LLGL1: variants seen among roughly 807,000 people sequenced by gnomAD.
LLGL1 encodes LLGL scribble cell polarity complex component 1, also known as lethal(2) giant larvae protein homolog 1.
In LLGL1, 58 loss-of-function variants were observed where a neutral mutation model predicts 110.6. The ratio of observed to expected loss-of-function variants is 0.52; its 90% CI spans 0.42 to 0.65. LLGL1 has a LOEUF of 0.65. Among genes scored for constraint, LLGL1 ranks in the 30% least tolerant of loss-of-function variants. LLGL1 has a pLI of 0.00. For synonymous variants in LLGL1, 674 were observed against 607.2 expected (o/e 1.11, Z -1.62); for missense variants, 1,229 against 1,462.1 (o/e 0.84, Z 2.60).
At position 18,229,942 on chromosome 17, in the gene LLGL1, C is replaced by T. The variant is rs1335087294; in HGVS notation, c.83C>T (p.Thr28Ile). Reference protein sequence around the residue: ...LKQELFAFNKTVEHGFPNQPS... With the variant: ...LKQELFAFNKIVEHGFPNQPS... ...CCAGCAGCCCTCCCCTCCTTGCAGA[C>T]TGTGGAGCATGGCTTCCCCAATCAG... The change falls in exon 2 of 23, where the codon ACT (threonine) becomes ATT (isoleucine). Residue 28 changes from threonine (T) to isoleucine (I), a missense_variant and splice_region_variant. Transcript: ENST00000316843. The T allele has an allele frequency of 6.2e-7, 1 of 1,606,962 alleles. No homozygotes were observed. Among genetic ancestry groups the T allele is most frequent in the African/African-American group, 1.3e-5 (1 of 74,922 alleles).
In LLGL1 at chr17:18,240,963, C is replaced by T; in HGVS notation, c.2502+90C>T. ...CCATTGGACCCTCAAGAAACCCTTC[C>T]TGCCTGTATCCCCCACTGTTGGGAC... On this transcript the variant is annotated intron_variant, in intron 17 of 22. Coordinates refer to ENST00000316843, the MANE Select transcript of LLGL1 (RefSeq NM_004140.4). This position sits in a 1 kb window ranked among gnomAD's most constrained non-coding sequence, Gnocchi z 5.3. The T allele has an allele frequency of 7.7e-7, 1 of 1,305,410 alleles. No homozygotes were observed. The highest frequency in any genetic ancestry group is 1.0e-6 in the Non-Finnish European group (1 of 969,878). The allele number at this position is 1,305,410 out of a possible 1,614,324, so 80.9% of individuals were successfully genotyped here. A position where few individuals can be genotyped will look rare whatever the true frequency, so the allele number is the denominator to read the frequency against.
Position 18,240,434 on chromosome 17 carries a change from G to C in LLGL1, c.2207-144G>C, listed in dbSNP as rs1207245744. On this transcript the variant is annotated intron_variant, in intron 16 of 22. Coordinates refer to ENST00000316843, the MANE Select transcript of LLGL1 (RefSeq NM_004140.4). This position sits in a 1 kb window ranked among gnomAD's most constrained non-coding sequence, Gnocchi z 5.3. Reference sequence around the variant, plus strand: ...GTCACCAGGGAGGCATGGGGCAGGAGGGAATCAGCCCTGAGTCCCAGGGTG... The same window carrying C: ...GTCACCAGGGAGGCATGGGGCAGGACGGAATCAGCCCTGAGTCCCAGGGTG... 4 of 1,001,810 alleles carry C rather than the reference G, an allele frequency of 4.0e-6. No individual in the cohort carries two copies. The highest frequency in any genetic ancestry group is 5.8e-6 in the Non-Finnish European group (4 of 688,598). 62.1% of individuals were successfully genotyped at this position (1,001,810 alleles called of 1,614,324 possible). A position where few individuals can be genotyped will look rare whatever the true frequency, so the allele number is the denominator to read the frequency against.
chr17:18,242,286 G>A lies in LLGL1; in HGVS notation c.2995+8G>A. 6.2e-7 allele frequency: 1 copy of A among 1,608,098 alleles called. No individual in the cohort carries two copies. The highest frequency in any genetic ancestry group is 8.5e-7 in the Non-Finnish European group (1 of 1,174,798). ...CCCACAGCATGGGACCTGGTGAGGG[G>A]GGCATGAAAGGGGTCCAGACCCTGG... On this transcript the variant is annotated splice_region_variant and intron_variant, in intron 20 of 22. Transcript: ENST00000316843.
At chr17:18,239,453 C>T (rs1034883949) in intron 16 of LLGL1, among the ~76,000 whole-genome samples, 2 of 152,178 alleles carry the variant, frequency 1.3e-5, no homozygotes, top group African/African-American at 4.8e-5. Flanking sequence ...CCTCACATGC[C>T]TGCCACCAGC....
Position 18,235,227 on chromosome 17 carries a change from A to C in LLGL1, c.1199A>C (p.His400Pro). 1 of 1,610,838 alleles carries C rather than the reference A, an allele frequency of 6.2e-7. No homozygotes were observed. Among genetic ancestry groups the C allele is most frequent in the Non-Finnish European group, 8.5e-7 (1 of 1,180,006 alleles). ...LHSSAITCSA[H>P]VASVPAKLWA... ...TCCTCTGCAATCACTTGCTCGGCCC[A>C]CGTGGCCAGTGTCCCCGCCAAGCTG... The change falls in exon 10 of 23, where the codon CAC becomes CCC. Residue 400 changes from histidine to proline, a missense_variant. Physicochemically the swap from His to Pro is moderately conservative, Grantham distance 77. Transcript: ENST00000316843.
rs1567689191 is a variant in LLGL1, at chr17:18,234,399, A to G, written c.841A>G (p.Thr281Ala). 4 of 1,612,656 alleles carry G rather than the reference A, an allele frequency of 2.5e-6. No homozygotes were observed. Among genetic ancestry groups the G allele is most frequent in the Non-Finnish European group, 3.4e-6 (4 of 1,179,916 alleles). The change falls in exon 7 of 23, where the codon ACA (threonine) becomes GCA (alanine). Residue 281 changes from threonine (T) to alanine (A), a missense_variant. Coordinates refer to ENST00000316843, the MANE Select transcript of LLGL1 (RefSeq NM_004140.4). ...FPTLQPTVATTPYGPFPCKAI... is the reference protein window; with the variant it reads ...FPTLQPTVATAPYGPFPCKAI... ...AACGCTGCAGCCCACGGTAGCCACC[A>G]CACCTTACGGTGAGTGCTGGGGACA...
At chr17:18,235,866 C>T (rs969672902) in intron 11 of LLGL1, 13 of 319,962 alleles carry the variant, frequency 4.1e-5, no homozygotes, top group African/African-American at 1.1e-4. Flanking sequence ...GTGGGCCTGG[C>T]GGGCGCTGAC....
rs1483732508 is a variant in LLGL1, at chr17:18,242,773, G to A, written c.3147G>A (p.Arg1049=). Residue 1049 remains arginine (R), a synonymous_variant, in exon 22 of 23, where the codon AGG becomes AGA. Coordinates refer to ENST00000316843, the MANE Select transcript of LLGL1 (RefSeq NM_004140.4). ...CTGAGGAGTCAGAGAAGAACCTGAGGAACCTGGCAGAAGACGAGGCCCACG... is the reference window on the plus strand; with the variant it reads ...CTGAGGAGTCAGAGAAGAACCTGAGAAACCTGGCAGAAGACGAGGCCCACG... ...GSSEESEKNL[R]NLAEDEAHAC... 1.3e-6 allele frequency: 2 copies of A among 1,568,706 alleles called. No homozygotes were observed. Among genetic ancestry groups the A allele is most frequent in the Non-Finnish European group, 1.7e-6 (2 of 1,156,456 alleles).
chr17:18,234,816 C>T (rs774944347), intron 8 of LLGL1, 23 bp from the exon 9 acceptor site: 9 of 1,613,854 alleles, frequency 5.6e-6, no homozygotes, highest in African/African-American at 2.7e-5. Flanking sequence ...GTTCATGGCT[C>T]GCACACCTCC....
intron 3 of LLGL1, 41 bp from the exon 4 acceptor site, chr17:18,232,631 C>A: frequency 6.2e-7 from 1 of 1,613,866 alleles, no homozygotes; most frequent in Non-Finnish European, 8.5e-7. Context: ...TCTACTCATC[C>A]CCCTAGGCCA....
chr17:18,236,469 T>G, intron 11 of LLGL1, 138 bp from the exon 12 acceptor site: 1 of 854,326 alleles, frequency 1.2e-6, no homozygotes, highest in South Asian at 1.7e-5. Context: ...GTGCCTATTG[T>G]TTTTTGTAAA....
intron 11 of LLGL1, 69 bp downstream of exon 11, chr17:18,235,606 TG>T: frequency 6.6e-7 from 1 of 1,517,166 alleles, no homozygotes; most frequent in South Asian, 1.2e-5. Flanking sequence ...CTGGGCCTGG[TG>T]GGTGCAGAGG....
chr17:18,241,643 G>A lies in LLGL1; in HGVS notation c.2695G>A (p.Val899Met), dbSNP rs1337894246. The change falls in exon 18 of 23, where the codon GTG becomes ATG. Residue 899 changes from valine to methionine, a missense_variant. By Grantham distance (21) the Val-to-Met change is conservative. Coordinates refer to ENST00000316843, the MANE Select transcript of LLGL1 (RefSeq NM_004140.4). ...CTCGGTGCCTGGCCTGCGGCCCCAG[G>A]TGCACTATTCCTGCATCCGGAAGGA... ...VFSVPGLRPQVHYSCIRKEDI... is the reference protein window; with the variant it reads ...VFSVPGLRPQMHYSCIRKEDI... 4.3e-6 allele frequency: 7 copies of A among 1,613,586 alleles called. No individual in the cohort carries two copies. The African/African-American group carries it at 9.3e-5, about 22-fold the overall frequency.
At chr17:18,226,018 C>T (rs1336226027) in intron 1 of LLGL1, among the ~76,000 whole-genome samples, 1 of 152,104 alleles carries the variant, frequency 6.6e-6, no homozygotes, top group Non-Finnish European at 1.5e-5. Context: ...GGCCCTGGCT[C>T]TGCCAGTCTG....
Position 18,238,164 on chromosome 17 carries a change from C to T in LLGL1, c.2002C>T (p.Arg668Cys), listed in dbSNP as rs1311945895. 4.3e-6 allele frequency: 7 copies of T among 1,613,132 alleles called. No homozygotes were observed. Among genetic ancestry groups the T allele is most frequent in the African/African-American group, 1.3e-5 (1 of 74,934 alleles). The change falls in exon 15 of 23, where the codon CGC becomes TGC. Residue 668 changes from arginine to cysteine, a missense_variant. Arg to Cys is a radical substitution (Grantham distance 180). Coordinates refer to ENST00000316843, the MANE Select transcript of LLGL1 (RefSeq NM_004140.4). ...KSLRQSFRRIRKSRVSGKKRA... is the reference protein window; with the variant it reads ...KSLRQSFRRICKSRVSGKKRA... ...ACTGCGCCAGTCTTTCCGGCGCATT[C>T]GCAAGAGTCGTGTCTCTGGCAAGAA...
At position 18,240,360 on chromosome 17, in the gene LLGL1, G is replaced by A. The variant is rs775932837; in HGVS notation, c.2207-218G>A. On this transcript the variant is annotated intron_variant, in intron 16 of 22. Coordinates refer to ENST00000316843, the MANE Select transcript of LLGL1 (RefSeq NM_004140.4). The surrounding 1 kb of genome is among the most constrained non-coding windows in gnomAD (Gnocchi z 5.3). Reference sequence around the variant, plus strand: ...GCAGGAGGGCTGCATCCTGGGCTCCGACTGCAGTCAGCAGCATAGAGCTGG... The same window carrying A: ...GCAGGAGGGCTGCATCCTGGGCTCCAACTGCAGTCAGCAGCATAGAGCTGG... Among the ~76,000 whole-genome samples the A allele has an allele frequency of 3.9e-5, 6 of 152,170 alleles. No individual in the cohort carries two copies. The highest frequency in any genetic ancestry group is 7.2e-5 in the African/African-American group (3 of 41,428).
rs1453824393 is a variant in LLGL1, at chr17:18,233,719, C to A, written c.393-59C>A. The A allele has an allele frequency of 1.1e-5, 17 of 1,545,542 alleles. No individual in the cohort carries two copies. The East Asian group carries it at 3.2e-4, about 29-fold the overall frequency. ...ATCAGCAGTGGCCCAGCCCCTCACA[C>A]CCCACCTGAGCAGGTGGATGGGCTT... On this transcript the variant is annotated intron_variant, in intron 4 of 22. Coordinates refer to ENST00000316843, the MANE Select transcript of LLGL1 (RefSeq NM_004140.4).
chr17:18,240,558 T>TA lies in LLGL1; in HGVS notation c.2207-19dup. 1 of 1,571,180 alleles carries TA rather than the reference T, an allele frequency of 6.4e-7. No homozygotes were observed. Among genetic ancestry groups the TA allele is most frequent in the Non-Finnish European group, 8.7e-7 (1 of 1,155,428 alleles). On this transcript the variant is annotated intron_variant, in intron 16 of 22. Coordinates refer to ENST00000316843, the MANE Select transcript of LLGL1 (RefSeq NM_004140.4). This position sits in a 1 kb window ranked among gnomAD's most constrained non-coding sequence, Gnocchi z 5.3. ...GCCTGGCCCACAGGGAGCACCCTCC[T>TA]ACGCGCTTGTTTTCTGCAGGGGCCC...
rs771246031 is a variant in LLGL1 at position 18,235,118 on chromosome 17, C to T, written c.1090C>T (p.Leu364=). Residue 364 remains leucine, a synonymous_variant, in exon 10 of 23, where the codon CTG becomes TTG. Coordinates refer to ENST00000316843, the MANE Select transcript of LLGL1 (RefSeq NM_004140.4). ...TGATGACCCCCAGGCCCTGGCTGTG[C>T]TGCTGGAAGAGGAGCTGGTGGTGCT... ...EFDDPQALAV[L]LEEELVVLDL... The T allele has an allele frequency of 6.2e-7, 1 of 1,613,918 alleles. No homozygotes were observed. The highest frequency in any genetic ancestry group is 8.5e-7 in the Non-Finnish European group (1 of 1,180,034).
Sources: gnomAD v4.1 joint callset for allele counts (sites outside exome capture counted in the v4.1 genomes callset) on GRCh38, gnomAD v4.1.1 for gene constraint, Gnocchi (gnomAD v3.1) non-coding constraint, MANE v1.5 for transcripts, NCBI Gene and HGNC (gene_info 2026-07-23, HGNC 2026-07-21) for gene names.